The following PTPN4 variants were observed in gnomAD, a reference collection of about 807,000 sequenced individuals.
The protein encoded by PTPN4 is tyrosine-protein phosphatase non-receptor type 4.
Under a neutral mutation model 135.5 loss-of-function variants are expected in PTPN4, and 49 were observed. The ratio of observed to expected loss-of-function variants is 0.36; its 90% confidence interval spans 0.29 to 0.46. The LOEUF is 0.46. Ranked by LOEUF, PTPN4 falls within the 20% of genes least tolerant of loss-of-function variation. The probability of loss-of-function intolerance (pLI) is 1.00; values close to 1 mark genes in which losing one functional copy is unlikely to be tolerated. For missense variants in PTPN4, 860 were observed against 1,101.0 expected (o/e 0.78, Z 3.10); for synonymous variants, 333 against 369.9 (o/e 0.90, Z 1.14).
At chr2:119,802,170 T>G (rs1410053388) in intron 1 of PTPN4, among the ~76,000 whole-genome samples, 1 of 152,200 alleles carries the variant, frequency 6.6e-6, no homozygotes, top group African/African-American at 2.4e-5. Context: ...CCCAAAGTGC[T>G]GGGATTACCG....
At chr2:119,970,836 T>C (rs1338432441) in intron 26 of PTPN4, among the ~76,000 whole-genome samples, 1 of 152,222 alleles carries the variant, frequency 6.6e-6, no homozygotes, top group Non-Finnish European at 1.5e-5. Flanking sequence ...CCAGGTCATG[T>C]TTTCATTCTG....
chr2:119,936,905 T>C (rs138997969), intron 15 of PTPN4, among the ~76,000 whole-genome samples: 2 of 152,300 alleles, frequency 1.3e-5, no homozygotes, highest in Non-Finnish European at 2.9e-5. Context: ...GCATTTGACA[T>C]TCAACCAGTT....
At position 119,791,502 on chromosome 2, in the gene PTPN4, G is replaced by A. The variant is rs193254044; in HGVS notation, c.-17-18335G>A. 2.6e-4 allele frequency among the ~76,000 whole-genome samples: 39 copies of A among 152,204 alleles called. No homozygotes were observed. In the East Asian group the frequency reaches 7.5e-3, roughly 29 times the overall value. ...CTAGTGACAAATTCTTTTAGGTTTTGTTTCTCTGGGAATATTTAAAATTAT... is the reference window on the plus strand; with the variant it reads ...CTAGTGACAAATTCTTTTAGGTTTTATTTCTCTGGGAATATTTAAAATTAT... On this transcript the variant is annotated intron_variant, in intron 1 of 26. Transcript: ENST00000263708.
chr2:119,946,843 A>G (rs1185159963), intron 18 of PTPN4, among the ~76,000 whole-genome samples: 5 of 152,108 alleles, frequency 3.3e-5, no homozygotes, highest in Non-Finnish European at 7.4e-5. Context: ...ACCCCCTTAA[A>G]AAACAAAATA....
At chr2:119,826,702 T>C (rs1677151768) in intron 2 of PTPN4, among the ~76,000 whole-genome samples, 1 of 152,194 alleles carries the variant, frequency 6.6e-6, no homozygotes, top group African/African-American at 2.4e-5. Context: ...AGGTTAATAT[T>C]CAATAACATA....
Position 119,957,091 on chromosome 2 carries a change from T to C in PTPN4, c.2133+14T>C. On this transcript the variant is annotated intron_variant, in intron 22 of 26. Transcript: ENST00000263708. ...AACTATATAAATGTAAGTTTATTCT[T>C]ATTATGCCTTTGCCATTTGGAAAAA... is the stretch of plus-strand genomic sequence containing the variant. 1 of 1,589,888 alleles carries C rather than the reference T, an allele frequency of 6.3e-7. No homozygotes were observed. Among genetic ancestry groups the C allele is most frequent in the Non-Finnish European group, 8.6e-7 (1 of 1,169,098 alleles).
chr2:119,872,611 CT>C (rs1321280840), intron 3 of PTPN4, among the ~76,000 whole-genome samples: 10 of 152,124 alleles, frequency 6.6e-5, no homozygotes. Context: ...CCTCTCAAGC[CT>C]TTCCTGACTA....
chr2:119,818,138 T>C (rs946875079), intron 2 of PTPN4, among the ~76,000 whole-genome samples: 8 of 152,222 alleles, frequency 5.3e-5, no homozygotes, highest in African/African-American at 1.7e-4. Flanking sequence ...CTCTTCCTAT[T>C]TGGATACCAT....
intron 19 of PTPN4, among the ~76,000 whole-genome samples, chr2:119,953,306 A>G (rs1679235481): frequency 6.6e-6 from 1 of 152,170 alleles, no homozygotes; most frequent in Admixed American, 6.5e-5. Flanking sequence ...TCTACTTGTC[A>G]CCACCACACC....
At chr2:119,783,815 A>G (rs1339507211) in intron 1 of PTPN4, among the ~76,000 whole-genome samples, 2 of 152,246 alleles carry the variant, frequency 1.3e-5, no homozygotes, top group East Asian at 3.8e-4. Flanking sequence ...GCATAAGTTA[A>G]TCACCATTTT....
chr2:119,772,819 G>A (rs1462719675), intron 1 of PTPN4, among the ~76,000 whole-genome samples: 8 of 152,280 alleles, frequency 5.3e-5, no homozygotes, highest in Admixed American at 1.3e-4. Context: ...GATTACAGGC[G>A]TGAGCCACCG....
intron 25 of PTPN4, among the ~76,000 whole-genome samples, chr2:119,967,532 T>C (rs1193852331): frequency 1.3e-5 from 2 of 152,242 alleles, no homozygotes; most frequent in African/African-American, 2.4e-5. Context: ...TCTATCATTT[T>C]GCATTTTAAG....
intron 18 of PTPN4, among the ~76,000 whole-genome samples, chr2:119,948,442 G>A (rs1204739828): frequency 1.3e-5 from 2 of 151,656 alleles, no homozygotes; most frequent in Admixed American, 6.6e-5. Flanking sequence ...AAAAATTTAA[G>A]ACTTAAAAAA....
Position 119,896,989 on chromosome 2 carries a change from C to T in PTPN4, c.676-3729C>T, listed in dbSNP as rs561204124. 3.4e-3 allele frequency among the ~76,000 whole-genome samples: 521 copies of T among 152,234 alleles called. 6 individuals carry two copies. Among genetic ancestry groups the T allele is most frequent in the African/African-American group, 0.012 (487 of 41,536 alleles). ...AGGCTGAAGTATAGTGGTGCAGTCT[C>T]GGCTCACTGCAACCTTCGCCTCCTG... On this transcript the variant is annotated intron_variant, in intron 9 of 26. Transcript: ENST00000263708.
chr2:119,974,088 T>TGA (rs1558779745), intron 26 of PTPN4, among the ~76,000 whole-genome samples: 1 of 152,210 alleles, frequency 6.6e-6, no homozygotes, highest in African/African-American at 2.4e-5. Context: ...TTCAATATAA[T>TGA]GAATCATTTA....
intron 2 of PTPN4, among the ~76,000 whole-genome samples, chr2:119,851,849 CCAT>C: frequency 6.6e-6 from 1 of 152,340 alleles, no homozygotes; most frequent in Admixed American, 6.5e-5. Context: ...AATTGTGGAA[CCAT>C]CACCTGATCA....
At chr2:119,855,902 T>C (rs1479886361) in intron 2 of PTPN4, among the ~76,000 whole-genome samples, 1 of 152,120 alleles carries the variant, frequency 6.6e-6, no homozygotes, top group Non-Finnish European at 1.5e-5. Flanking sequence ...CCTCCTGGGT[T>C]CACACCATTC....
In PTPN4 at chr2:119,894,361, T is replaced by G. The variant is rs766395220; in HGVS notation, c.676-6357T>G. Among the ~76,000 whole-genome samples, 132 of 152,226 alleles carry G rather than the reference T, an allele frequency of 8.7e-4. 2 individuals carry two copies. The highest frequency in any genetic ancestry group is 3.2e-4 in the Non-Finnish European group (22 of 68,016). On this transcript the variant is annotated intron_variant, in intron 9 of 26. Transcript: ENST00000263708. ...TACTGTACTCAAATCACATAGTGGT[T>G]TTCCATAATTCTGATGTGTGCTTTC...
chr2:119,803,801 T>C (rs1257417252), intron 1 of PTPN4, among the ~76,000 whole-genome samples: 2 of 152,116 alleles, frequency 1.3e-5, no homozygotes, highest in African/African-American at 4.8e-5. Context: ...TTTGACAGTT[T>C]TGCTTCATGT....
Sources: gnomAD v4.1 joint callset for allele counts (sites outside exome capture counted in the v4.1 genomes callset) on GRCh38, gnomAD v4.1.1 for gene constraint, MANE v1.5 for transcripts, NCBI Gene and HGNC (gene_info 2026-07-23, HGNC 2026-07-21) for gene names.